Variants in DTD1 observed in about 807,000 individuals in gnomAD.
DTD1 encodes the protein D-aminoacyl-tRNA deacylase 1.
Under a neutral mutation model 25.6 loss-of-function variants are expected in DTD1, and 13 were observed. The observed-to-expected ratio is 0.51, with a 90% CI of 0.33 to 0.81. DTD1 has a LOEUF of 0.81. Among genes scored for constraint, DTD1 ranks in the 30% least tolerant of loss-of-function variants. The pLI is 0.02. For synonymous variants in DTD1, 110 were observed against 103.6 expected (o/e 1.06, Z -0.37); for missense variants, 193 against 266.4 (o/e 0.72, Z 1.92).
At chr20:18,750,916 A>G (rs1042627338) in intron 5 of DTD1, among the ~76,000 whole-genome samples, 1 of 152,182 alleles carries the variant, frequency 6.6e-6, no homozygotes, top group Non-Finnish European at 1.5e-5. Flanking sequence ...GGCACCCCAC[A>G]TTTCTGTCCT....
In DTD1 at chr20:18,588,111, C is replaced by T; in HGVS notation, c.39C>T (p.Val13=). 1 of 1,305,682 alleles carries T rather than the reference C, an allele frequency of 7.7e-7. No homozygotes were observed. The highest frequency in any genetic ancestry group is 9.7e-7 in the Non-Finnish European group (1 of 1,030,430). 80.9% of individuals were successfully genotyped at this position (1,305,682 alleles called of 1,614,324 possible). A position where few individuals can be genotyped will look rare whatever the true frequency, so the allele number is the denominator to read the frequency against. ...AVVQRVTRAS[V]TVGGEQISAI... is the part of the protein sequence containing the mutation. ...TGCAGCGCGTCACCCGGGCCAGCGT[C>T]ACAGGTCAGTCGGGCGGGGCCGGGC... The change falls in exon 1 of 6, where the codon GTC becomes GTT. Residue 13 remains valine, a synonymous_variant. Coordinates refer to ENST00000377452, the MANE Select transcript of DTD1 (RefSeq NM_080820.6).
chr20:18,719,164 AC>A (rs1477585094), intron 4 of DTD1, among the ~76,000 whole-genome samples: 1 of 152,138 alleles, frequency 6.6e-6, no homozygotes, highest in East Asian at 1.9e-4. Context: ...TTACTTTCAC[AC>A]CATCTTAAAG....
In DTD1 at chr20:18,766,019, C is replaced by A. The variant is rs1008697065; in HGVS notation, c.*2679C>A. The A allele has an allele frequency of 1.3e-5, 2 of 152,190 alleles. No homozygotes were observed. Among genetic ancestry groups the A allele is most frequent in the Admixed American group, 6.5e-5 (1 of 15,270 alleles). The allele number at this position is 152,190 out of a possible 1,614,324, so 9.4% of individuals were successfully genotyped here. A position where few individuals can be genotyped will look rare whatever the true frequency, so the allele number is the denominator to read the frequency against. On this transcript the variant is annotated 3_prime_UTR_variant, in exon 6 of 6. Transcript: ENST00000377452. ...GGTTTACTTTACAGGAGACCAAGCTCTTGTGGCTACACAAAACATAGACCA... is the reference window on the plus strand; with the variant it reads ...GGTTTACTTTACAGGAGACCAAGCTATTGTGGCTACACAAAACATAGACCA...
chr20:18,708,275 ATAATATATATTATATATATATAAT>A (rs2061140525), intron 4 of DTD1, among the ~76,000 whole-genome samples: 1 of 15,792 alleles, frequency 6.3e-5, no homozygotes, highest in African/African-American at 2.0e-4. Flanking sequence ...TTATATATAT[ATAATATATATTATATATATATAAT>A]ATATATATTT....
rs553810059 is a variant in DTD1 at position 18,724,050 on chromosome 20, T to C, written c.478-20050T>C. Among the ~76,000 whole-genome samples, 3 of 152,348 alleles carry C rather than the reference T, an allele frequency of 2.0e-5. No individual in the cohort carries two copies. In the South Asian group the frequency reaches 6.2e-4, roughly 32 times the overall value. ...CAATGATCAAAGGCGGAAAAGGGAATGTCCCTATCTCCTGCCCCCTTTTAA... is the reference window on the plus strand; with the variant it reads ...CAATGATCAAAGGCGGAAAAGGGAACGTCCCTATCTCCTGCCCCCTTTTAA... On this transcript the variant is annotated intron_variant, in intron 4 of 5. Coordinates refer to ENST00000377452, the MANE Select transcript of DTD1 (RefSeq NM_080820.6).
chr20:18,758,250 G>GT (rs1452090768), intron 5 of DTD1, among the ~76,000 whole-genome samples: 1 of 151,994 alleles, frequency 6.6e-6, no homozygotes, highest in African/African-American at 2.4e-5. Flanking sequence ...TTTTTGAAGG[G>GT]TTTTTTGTGT....
intron 4 of DTD1, among the ~76,000 whole-genome samples, chr20:18,650,227 T>C (rs1725431345): frequency 6.6e-6 from 1 of 152,132 alleles, no homozygotes. Flanking sequence ...AGACCCTGTC[T>C]CAAAACAAAA....
intron 4 of DTD1, among the ~76,000 whole-genome samples, chr20:18,656,875 G>A (rs528973232): frequency 2.5e-5 from 3 of 118,550 alleles, no homozygotes; most frequent in Non-Finnish European, 3.9e-5. Flanking sequence ...AATTTTAATG[G>A]CAATATTCTT....
chr20:18,646,408 GTC>G (rs949218546), intron 4 of DTD1, among the ~76,000 whole-genome samples: 6 of 152,156 alleles, frequency 3.9e-5, no homozygotes, highest in Admixed American at 3.9e-4. Flanking sequence ...CACCCCATCT[GTC>G]TCTCTGTTAA....
At chr20:18,593,370 G>A (rs2060597917) in intron 1 of DTD1, among the ~76,000 whole-genome samples, 1 of 152,074 alleles carries the variant, frequency 6.6e-6, no homozygotes, top group South Asian at 2.1e-4. Flanking sequence ...TAATATAGCT[G>A]AGCTGGCTTC....
chr20:18,609,516 A>AT (rs5840819), intron 3 of DTD1, among the ~76,000 whole-genome samples: 10 of 150,738 alleles, frequency 6.6e-5, no homozygotes, highest in Admixed American at 2.0e-4. Context: ...GCAAACCCAG[A>AT]TTTTTTTTTT....
intron 1 of DTD1, chr20:18,592,213 A>T (rs936109665): frequency 6.6e-6 from 1 of 152,234 alleles, no homozygotes; most frequent in East Asian, 1.9e-4. Flanking sequence ...TTCTATTCCG[A>T]TTAGCACATT....
intron 3 of DTD1, among the ~76,000 whole-genome samples, chr20:18,624,708 A>G (rs1294054125): frequency 2.0e-5 from 3 of 152,206 alleles, no homozygotes; most frequent in Non-Finnish European, 4.4e-5. Context: ...TCCCAGGCAG[A>G]GTGATGTCAA....
At chr20:18,760,228 C>T (rs2061356083) in intron 5 of DTD1, among the ~76,000 whole-genome samples, 1 of 152,214 alleles carries the variant, frequency 6.6e-6, no homozygotes, top group South Asian at 2.1e-4. Flanking sequence ...GCCTTCTTCT[C>T]TCAACTCGTC....
At position 18,749,240 on chromosome 20, in the gene DTD1, T is replaced by TGGCTCCAG. The variant is rs1329568752; in HGVS notation, c.*19+4979_*19+4986dup. Among the ~76,000 whole-genome samples, 1 of 152,048 alleles carries TGGCTCCAG rather than the reference T, an allele frequency of 6.6e-6. No homozygotes were observed. The highest frequency in any genetic ancestry group is 1.5e-5 in the Non-Finnish European group (1 of 67,996). ...GATTCTGGAGGGAGAGCAGTGCAGG[T>TGGCTCCAG]GGCTCCAGGGCTCCAGGAGGCAGCT... On this transcript the variant is annotated intron_variant, in intron 5 of 5. Coordinates refer to ENST00000377452, the MANE Select transcript of DTD1 (RefSeq NM_080820.6). The surrounding 1 kb of genome is among the most constrained non-coding windows in gnomAD (Gnocchi z 4.2).
chr20:18,612,121 G>A (rs2060689498), intron 3 of DTD1, among the ~76,000 whole-genome samples: 1 of 137,258 alleles, frequency 7.3e-6, no homozygotes, highest in Admixed American at 8.0e-5. Context: ...TGCAAGCTCC[G>A]CCTCCCGGGT....
At chr20:18,644,853 G>A (rs995024571) in intron 4 of DTD1, among the ~76,000 whole-genome samples, 11 of 152,102 alleles carry the variant, frequency 7.2e-5, no homozygotes, top group African/African-American at 1.7e-4. Flanking sequence ...TTATTCAACC[G>A]TGGCGTATGG....
At chr20:18,744,778 T>A (rs2061293829) in intron 5 of DTD1, among the ~76,000 whole-genome samples, 1 of 152,070 alleles carries the variant, frequency 6.6e-6, no homozygotes, top group African/African-American at 2.4e-5. Context: ...CCCCTCATCT[T>A]GAATTGTAGT....
intron 5 of DTD1, among the ~76,000 whole-genome samples, chr20:18,752,969 T>C (rs1317014573): frequency 6.6e-6 from 1 of 152,172 alleles, no homozygotes; most frequent in Non-Finnish European, 1.5e-5. Context: ...TTACCTTATT[T>C]ATTAGAAAAT....
Sources: gnomAD v4.1 joint callset for allele counts (sites outside exome capture counted in the v4.1 genomes callset) on GRCh38, gnomAD v4.1.1 for gene constraint, Gnocchi (gnomAD v3.1) non-coding constraint, MANE v1.5 for transcripts, NCBI Gene and HGNC (gene_info 2026-07-23, HGNC 2026-07-21) for gene names.